The following LHFPL2 variants were observed in gnomAD, a reference collection of about 807,000 sequenced individuals.
LHFPL2 encodes LHFPL tetraspan subfamily member 2 protein.
LHFPL2 carries 7 observed loss-of-function variants against 17.5 expected under a neutral mutation model. That is an observed-to-expected ratio of 0.40 (90% CI 0.23 to 0.75). The LOEUF is 0.75. LHFPL2 is among the 30% of genes least tolerant of loss of function. The probability of loss-of-function intolerance (pLI) is 0.37; values close to 1 mark genes in which losing one functional copy is unlikely to be tolerated. For synonymous variants in LHFPL2, 134 were observed against 116.2 expected (o/e 1.15, Z -0.99); for missense variants, 241 against 294.8 (o/e 0.82, Z 1.34).
intron 3 of LHFPL2, among the ~76,000 whole-genome samples, chr5:78,537,569 CA>C: frequency 1.3e-5 from 2 of 152,254 alleles, no homozygotes; most frequent in South Asian, 4.1e-4. Context: ...TGAATGGAAA[CA>C]AGATGATTTC....
Position 78,531,419 on chromosome 5 carries a change from CAAAAAAA to C in LHFPL2, c.-185-21028_-185-21022del, listed in dbSNP as rs11445485. Among the ~76,000 whole-genome samples, 13 of 116,266 alleles carry C rather than the reference CAAAAAAA, an allele frequency of 1.1e-4. No individual in the cohort carries two copies. The East Asian group carries it at 4.0e-3, about 36-fold the overall frequency. The allele number at this position is 116,266 out of a possible 152,430, so 76.3% of individuals were successfully genotyped here. A position where few individuals can be genotyped will look rare whatever the true frequency, so the allele number is the denominator to read the frequency against. ...GGGCAACAAGAGCAAAACTCCATCT[CAAAAAAA>C]AAAAAAAAAAAAATTCACAATGAAC... On this transcript the variant is annotated intron_variant, in intron 3 of 4. Coordinates refer to ENST00000380345, the MANE Select transcript of LHFPL2 (RefSeq NM_005779.3).
rs543362207 is a variant in LHFPL2, at chr5:78,577,773, A to G, written c.-244-12902T>C. ...TCCACACTTTCTAAACGAGAAAAAG[A>G]CAATTTTGTTTTTCTGATGTCCTTT... On this transcript the variant is annotated intron_variant, in intron 2 of 4. Transcript: ENST00000380345. Among the ~76,000 whole-genome samples, 15 of 152,118 alleles carry G rather than the reference A, an allele frequency of 9.9e-5. No individual in the cohort carries two copies. The South Asian group carries it at 3.1e-3, about 32-fold the overall frequency.
At chr5:78,508,212 G>T (rs1561311371) in intron 4 of LHFPL2, among the ~76,000 whole-genome samples, 1 of 152,108 alleles carries the variant, frequency 6.6e-6, no homozygotes, top group African/African-American at 2.4e-5. Flanking sequence ...CTATTTTTCA[G>T]AAGGAGAACA....
chr5:78,525,669 G>A (rs999902889), intron 3 of LHFPL2, among the ~76,000 whole-genome samples: 1 of 152,170 alleles, frequency 6.6e-6, no homozygotes, highest in East Asian at 1.9e-4. Flanking sequence ...GATGAAATGC[G>A]AAAACGGATA....
intron 3 of LHFPL2, among the ~76,000 whole-genome samples, chr5:78,514,657 A>G (rs1037834237): frequency 1.3e-5 from 2 of 152,218 alleles, no homozygotes; most frequent in Non-Finnish European, 2.9e-5. Flanking sequence ...GAAACTCAGG[A>G]GCAAAGTTCA....
At chr5:78,583,538 A>G (rs1230975107) in intron 2 of LHFPL2, among the ~76,000 whole-genome samples, 1 of 150,710 alleles carries the variant, frequency 6.6e-6, no homozygotes, top group Non-Finnish European at 1.5e-5. Flanking sequence ...TCCTTCACTT[A>G]TGAAGCTTAA....
At chr5:78,489,831 G>A (rs929825603) in intron 4 of LHFPL2, among the ~76,000 whole-genome samples, 2 of 152,158 alleles carry the variant, frequency 1.3e-5, no homozygotes, top group Non-Finnish European at 2.9e-5. Flanking sequence ...GGATGCCTAC[G>A]ACTGCTTTGC....
intron 2 of LHFPL2, among the ~76,000 whole-genome samples, chr5:78,566,987 G>A (rs76009322): frequency 0.032 from 4,872 of 152,218 alleles, 282 homozygotes; most frequent in African/African-American, 0.11. Flanking sequence ...ACAACAAAAT[G>A]AGTCACTTCA....
chr5:78,541,244 G>A (rs1432108019), intron 3 of LHFPL2, among the ~76,000 whole-genome samples: 2 of 152,154 alleles, frequency 1.3e-5, no homozygotes, highest in African/African-American at 4.8e-5. Context: ...AGTGAAGCTG[G>A]GGGAGGTAAG....
At chr5:78,608,660 C>G (rs1016265935) in intron 2 of LHFPL2, among the ~76,000 whole-genome samples, 1 of 151,464 alleles carries the variant, frequency 6.6e-6, no homozygotes, top group African/African-American at 2.4e-5. Flanking sequence ...AGGCTGGGCA[C>G]GGTGGCTCAC....
At chr5:78,513,579 A>C (rs1216417883) in intron 3 of LHFPL2, among the ~76,000 whole-genome samples, 1 of 152,176 alleles carries the variant, frequency 6.6e-6, no homozygotes, top group African/African-American at 2.4e-5. Context: ...GTCCGCACCC[A>C]AATCTCATCT....
At chr5:78,508,421 T>C (rs921902441) in intron 4 of LHFPL2, among the ~76,000 whole-genome samples, 1 of 152,168 alleles carries the variant, frequency 6.6e-6, no homozygotes, top group Admixed American at 6.5e-5. Context: ...GTCTGGATGG[T>C]GTATTCCCCC....
At chr5:78,645,269 T>A (rs182759586) in intron 1 of LHFPL2, among the ~76,000 whole-genome samples, 1 of 151,288 alleles carries the variant, frequency 6.6e-6, no homozygotes, top group Non-Finnish European at 1.5e-5. Context: ...TTTCTTCTAA[T>A]GTGTACTCTG....
chr5:78,569,796 C>T (rs1156631037), intron 2 of LHFPL2, among the ~76,000 whole-genome samples: 5 of 152,156 alleles, frequency 3.3e-5, no homozygotes, highest in South Asian at 2.1e-4. Context: ...AAAGACCTCG[C>T]GGACTCTAAG....
chr5:78,510,306 G>A lies in LHFPL2; in HGVS notation c.-93C>T, dbSNP rs1167212604. On this transcript the variant is annotated 5_prime_UTR_variant, in exon 4 of 5. Transcript: ENST00000380345. The stretch of plus-strand genomic sequence containing the variant: ...GAAGGAGGCTCGGGCGGCCCGGGAA[G>A]GAAGTCGCAGCTGCAGTCATTCACT... 2 of 1,267,308 alleles carry A rather than the reference G, an allele frequency of 1.6e-6. No homozygotes were observed. Among genetic ancestry groups the A allele is most frequent in the Non-Finnish European group, 1.1e-6 (1 of 929,708 alleles). 78.5% of individuals were successfully genotyped at this position (1,267,308 alleles called of 1,614,324 possible).
chr5:78,536,112 G>A (rs1755944200), intron 3 of LHFPL2, among the ~76,000 whole-genome samples: 2 of 152,190 alleles, frequency 1.3e-5, no homozygotes, highest in South Asian at 4.1e-4. Flanking sequence ...CAATGCAAGA[G>A]AGTCTCAAAA....
rs191190587 is a variant in LHFPL2 at position 78,518,742 on chromosome 5, G to A, written c.-185-8344C>T. Among the ~76,000 whole-genome samples the A allele has an allele frequency of 1.4e-4, 19 of 138,482 alleles. No individual in the cohort carries two copies. In the East Asian group the frequency reaches 4.1e-3, roughly 30 times the overall value. The allele number at this position is 138,482 out of a possible 152,430, so 90.8% of individuals were successfully genotyped here. ...AAGTCACTGCACGCTCAAAGTTCAA[G>A]ATGGTCACAGAAAAACCCCTTTTTA... On this transcript the variant is annotated intron_variant, in intron 3 of 4. Transcript: ENST00000380345.
chr5:78,527,834 C>T (rs1161911809), intron 3 of LHFPL2, among the ~76,000 whole-genome samples: 1 of 152,244 alleles, frequency 6.6e-6, no homozygotes, highest in Non-Finnish European at 1.5e-5. Context: ...TATTCAGATA[C>T]ATGGCATTTA....
At chr5:78,503,280 CG>C (rs1754828456) in intron 4 of LHFPL2, among the ~76,000 whole-genome samples, 1 of 152,172 alleles carries the variant, frequency 6.6e-6, no homozygotes, top group South Asian at 2.1e-4. Flanking sequence ...TAATTTATGT[CG>C]ACAATTAAGT....
Sources: gnomAD v4.1 joint callset for allele counts (sites outside exome capture counted in the v4.1 genomes callset) on GRCh38, gnomAD v4.1.1 for gene constraint, MANE v1.5 for transcripts, NCBI Gene and HGNC (gene_info 2026-07-23, HGNC 2026-07-21) for gene names.